DCAF10: variants seen among roughly 807,000 people sequenced by gnomAD.
DCAF10 encodes DDB1- and CUL4-associated factor 10.
Under a neutral mutation model 51.9 loss-of-function variants are expected in DCAF10, and 19 were observed. The observed-to-expected ratio is 0.37, with a 90% CI of 0.26 to 0.54. DCAF10 has a LOEUF of 0.54. Ranked by LOEUF, DCAF10 falls within the 20% of genes least tolerant of loss-of-function variation. The pLI, the probability that DCAF10 is intolerant of heterozygous loss-of-function variation, is 0.87. For missense variants in DCAF10, 510 were observed against 730.6 expected, an observed-to-expected ratio of 0.70 and a Z score of 3.48; for synonymous variants, 291 against 297.1, an observed-to-expected ratio of 0.98 and a Z score of 0.21.
At chr9:37,859,916 A>T in intron 5 of DCAF10, 132 bp from the exon 6 acceptor site, 1 of 1,105,766 alleles carries the variant, frequency 9.0e-7, no homozygotes, top group Non-Finnish European at 1.3e-6. Context: ...ACGCTCTTTA[A>T]CATATGGTAG....
chr9:37,839,811 G>A (rs968673678), intron 2 of DCAF10, among the ~76,000 whole-genome samples: 18 of 152,106 alleles, frequency 1.2e-4, no homozygotes, highest in Non-Finnish European at 2.5e-4. Context: ...ATTATTTCGT[G>A]TAATTATGTA....
rs114691673 is a variant in DCAF10 at position 37,849,603 on chromosome 9, C to T, written c.852-5177C>T. Among the ~76,000 whole-genome samples, 1,125 of 151,992 alleles carry T rather than the reference C, an allele frequency of 7.4e-3. 18 individuals carry two copies. The highest frequency in any genetic ancestry group is 0.026 in the African/African-American group (1,072 of 41,456). On this transcript the variant is annotated intron_variant, in intron 3 of 6. Coordinates refer to ENST00000377724, the MANE Select transcript of DCAF10 (RefSeq NM_024345.5). ...TCTCTAAAAAAATTTTAAAACATGGCCAGGCACGGTGGCTCATACCTGTAA... is the reference window on the plus strand; with the variant it reads ...TCTCTAAAAAAATTTTAAAACATGGTCAGGCACGGTGGCTCATACCTGTAA...
At chr9:37,804,408 C>A (rs984556998) in intron 1 of DCAF10, among the ~76,000 whole-genome samples, 9 of 152,068 alleles carry the variant, frequency 5.9e-5, no homozygotes, top group African/African-American at 1.9e-4. Context: ...AGAAGCCCAA[C>A]AAACCCAAGC....
At chr9:37,844,755 G>A (rs925372205) in intron 3 of DCAF10, among the ~76,000 whole-genome samples, 2 of 152,174 alleles carry the variant, frequency 1.3e-5, no homozygotes, top group Non-Finnish European at 2.9e-5. Flanking sequence ...AGAATCGCTT[G>A]AACCTGGGAG....
At chr9:37,800,649 T>TA (rs1392869187), upstream of DCAF10, 2 of 1,535,992 alleles carry the variant, frequency 1.3e-6, no homozygotes, top group East Asian at 4.9e-5. Context: ...CTCACACAGG[T>TA]AACTACTCGC....
At chr9:37,850,870 AT>A (rs1302547478) in intron 3 of DCAF10, among the ~76,000 whole-genome samples, 27 of 83,574 alleles carry the variant, frequency 3.2e-4, no homozygotes, top group Non-Finnish European at 5.6e-4. Context: ...ATATATATAT[AT>A]ATATATATAT....
At chr9:37,853,624 A>T (rs377620448) in intron 3 of DCAF10, among the ~76,000 whole-genome samples, 92 of 152,004 alleles carry the variant, frequency 6.1e-4, no homozygotes, top group African/African-American at 2.1e-3. Flanking sequence ...ATATTTTCTC[A>T]TAGAATTATA....
At chr9:37,843,422 G>A (rs1232798469) in intron 3 of DCAF10, among the ~76,000 whole-genome samples, 1 of 152,082 alleles carries the variant, frequency 6.6e-6, no homozygotes, top group Non-Finnish European at 1.5e-5. Flanking sequence ...AAAACTATTG[G>A]TTATCTTTAG....
intron 3 of DCAF10, among the ~76,000 whole-genome samples, chr9:37,842,689 G>A (rs969444464): frequency 6.6e-6 from 1 of 152,132 alleles, no homozygotes; most frequent in Non-Finnish European, 1.5e-5. Flanking sequence ...GAATGGTACT[G>A]ATCTCAAAGG....
At chr9:37,817,517 G>C (rs748845832) in intron 1 of DCAF10, among the ~76,000 whole-genome samples, 5 of 152,046 alleles carry the variant, frequency 3.3e-5, no homozygotes, top group Non-Finnish European at 7.4e-5. Flanking sequence ...AGAATCACTT[G>C]AACCAGGGAG....
At chr9:37,820,071 G>A (rs1829657902) in intron 2 of DCAF10, among the ~76,000 whole-genome samples, 1 of 152,072 alleles carries the variant, frequency 6.6e-6, no homozygotes, top group Non-Finnish European at 1.5e-5. Context: ...TGGATTATAA[G>A]TAATTTTCTA....
intron 3 of DCAF10, among the ~76,000 whole-genome samples, chr9:37,851,864 T>C (rs1204198515): frequency 2.9e-5 from 4 of 137,720 alleles, no homozygotes; most frequent in Non-Finnish European, 4.7e-5. Context: ...ATGAAAAAGA[T>C]ACTGAAATGA....
chr9:37,814,300 GC>G (rs1829461301), intron 1 of DCAF10, among the ~76,000 whole-genome samples: 1 of 131,590 alleles, frequency 7.6e-6, no homozygotes, highest in Non-Finnish European at 1.6e-5. Context: ...CACCACGCCG[GC>G]TTTTTTTTTT....
intron 1 of DCAF10, among the ~76,000 whole-genome samples, chr9:37,814,300 G>C (rs913685303): frequency 3.2e-4 from 42 of 131,616 alleles, no homozygotes; most frequent in African/African-American, 1.1e-3. Context: ...CACCACGCCG[G>C]CTTTTTTTTT....
At chr9:37,860,858 G>T (rs1830994240) in intron 6 of DCAF10, among the ~76,000 whole-genome samples, 1 of 152,178 alleles carries the variant, frequency 6.6e-6, no homozygotes, top group African/African-American at 2.4e-5. Context: ...CAACATTGTT[G>T]TTGCCCTTAG....
intron 1 of DCAF10, among the ~76,000 whole-genome samples, chr9:37,818,602 A>C (rs1324463775): frequency 6.6e-6 from 1 of 152,196 alleles, no homozygotes; most frequent in Non-Finnish European, 1.5e-5. Flanking sequence ...AAACCTAAAA[A>C]ACCATGAAGG....
At position 37,862,569 on chromosome 9, in the gene DCAF10, C is replaced by G. The variant is rs1831046181; in HGVS notation, c.*1061C>G. On this transcript the variant is annotated 3_prime_UTR_variant, in exon 7 of 7. Transcript: ENST00000377724. ...GTGAGGGGAGAGTTGCAGTCCTCTT[C>G]AAGCTGTTATCATAAGTACAGTAGT... 6.6e-6 allele frequency: 1 copy of G among 152,174 alleles called. No homozygotes were observed. The highest frequency in any genetic ancestry group is 1.5e-5 in the Non-Finnish European group (1 of 68,028). 9.4% of individuals were successfully genotyped at this position (152,174 alleles called of 1,614,324 possible).
rs1831131891 is a variant in DCAF10 at position 37,866,126 on chromosome 9, C to T, written c.*4618C>T. On this transcript the variant is annotated 3_prime_UTR_variant, in exon 7 of 7. Coordinates refer to ENST00000377724, the MANE Select transcript of DCAF10 (RefSeq NM_024345.5). ...CTGTGAAAATTCACTCAGTGATACC[C>T]CGTGTTGGTCTTGAAGGAAACCGTA... 6.6e-6 allele frequency: 1 copy of T among 152,538 alleles called. No individual in the cohort carries two copies. Among genetic ancestry groups the T allele is most frequent in the Non-Finnish European group, 1.5e-5 (1 of 68,008 alleles). 9.4% of individuals were successfully genotyped at this position (152,538 alleles called of 1,614,324 possible).
chr9:37,835,843 T>C (rs1017588834), intron 2 of DCAF10, among the ~76,000 whole-genome samples: 1 of 152,266 alleles, frequency 6.6e-6, no homozygotes, highest in African/African-American at 2.4e-5. Context: ...GTCTGGTTCA[T>C]CAGAGATTGT....
Sources: gnomAD v4.1 joint callset for allele counts (sites outside exome capture counted in the v4.1 genomes callset) on GRCh38, gnomAD v4.1.1 for gene constraint, MANE v1.5 for transcripts, NCBI Gene and HGNC (gene_info 2026-07-23, HGNC 2026-07-21) for gene names.